The following TEAD2 variants were observed in gnomAD, a reference collection of about 807,000 sequenced individuals.
TEAD2 encodes transcriptional enhancer factor TEF-4.
Under a neutral mutation model 61.4 loss-of-function variants are expected in TEAD2, and 51 were observed. The ratio of observed to expected loss-of-function variants is 0.83; its 90% CI spans 0.66 to 1.05. The LOEUF (loss-of-function observed/expected upper bound fraction) is 1.05. TEAD2 is among the 50% of genes least tolerant of loss of function. The pLI, the probability that TEAD2 is intolerant of heterozygous loss-of-function variation, is 0.00. For synonymous variants in TEAD2, 244 were observed against 243.2 expected, an observed-to-expected ratio of 1.00 and a Z score of -0.03; for missense variants, 509 against 600.0, an observed-to-expected ratio of 0.85 and a Z score of 1.58.
Position 49,348,773 on chromosome 19 carries a change from C to T in TEAD2, c.677G>A (p.Gly226Asp). 6.2e-7 allele frequency: 1 copy of T among 1,613,402 alleles called. No individual in the cohort carries two copies. The change falls in exon 9 of 13, where the codon GGC becomes GAC. Residue 226 changes from glycine to aspartate, a missense_variant. Physicochemically the swap from Gly to Asp is moderately conservative, Grantham distance 94. Transcript: ENST00000593945. ...TPSPPAWQAR[G>D]LGTARLQLVE... ...CAGCTGCAACCGGGCGGTGCCCAGG[C>T]CCCGAGCCTGCCAGGCTGGGGGCGA...
intron 4 of TEAD2, among the ~76,000 whole-genome samples, chr19:49,356,461 G>T (rs901129659): frequency 1.3e-5 from 2 of 151,456 alleles, no homozygotes; most frequent in Non-Finnish European, 2.9e-5. Flanking sequence ...ACACCCAGAA[G>T]GGGGAGAAAA....
At chr19:49,347,401 A>G in intron 9 of TEAD2, 38 bp from the exon 10 acceptor site, 1 of 1,593,208 alleles carries the variant, frequency 6.3e-7, no homozygotes, top group Non-Finnish European at 8.5e-7. Flanking sequence ...GTCGGAGGTG[A>G]GCTGGATCTC....
chr19:49,341,589 G>C lies in TEAD2; in HGVS notation c.1243-152C>G. The C allele has an allele frequency of 1.5e-6, 1 of 672,066 alleles. No homozygotes were observed. Among genetic ancestry groups the C allele is most frequent in the South Asian group, 1.8e-5 (1 of 55,768 alleles). The allele number at this position is 672,066 out of a possible 1,614,324, so 41.6% of individuals were successfully genotyped here. ...CATATCATGTTCCCCAGGAGAAAGG[G>C]ATGCCCAAAAGTCAGTTCCCTGGGC... On this transcript the variant is annotated intron_variant, in intron 12 of 12. Coordinates refer to ENST00000593945, the MANE Select transcript of TEAD2 (RefSeq NM_001256660.2). This position sits in a 1 kb window ranked among gnomAD's most constrained non-coding sequence, Gnocchi z 4.2.
chr19:49,355,598 G>A lies in TEAD2; in HGVS notation c.373-179C>T, dbSNP rs28456376. 5.3e-3 allele frequency among the ~76,000 whole-genome samples: 814 copies of A among 152,222 alleles called. 11 individuals are homozygous for A. Among genetic ancestry groups the A allele is most frequent in the African/African-American group, 0.018 (753 of 41,540 alleles). On this transcript the variant is annotated intron_variant, in intron 5 of 12. Transcript: ENST00000593945. ...TCCCAGCACTCTGGGAGCCGGAGGC[G>A]GGCAGATCACTTGAGGTCAGGAGTT...
intron 3 of TEAD2, 127 bp from the exon 4 acceptor site, chr19:49,357,441 G>T: frequency 1.0e-6 from 1 of 1,002,702 alleles, no homozygotes; most frequent in Non-Finnish European, 1.5e-6. Flanking sequence ...CACTGAAGAT[G>T]AGAGCCATCT....
At chr19:49,358,100 G>A (rs1430080078) in intron 3 of TEAD2, among the ~76,000 whole-genome samples, 3 of 152,194 alleles carry the variant, frequency 2.0e-5, no homozygotes, top group Admixed American at 1.3e-4. Context: ...CAGGTGTGGT[G>A]GTGCGCGCCT....
At chr19:49,357,209 C>T (rs1457802053) in intron 4 of TEAD2, 43 bp downstream of exon 4, 2 of 1,576,784 alleles carry the variant, frequency 1.3e-6, no homozygotes, top group Admixed American at 3.4e-5. Context: ...TCCCCCACCC[C>T]CAGTCTCTGT....
intron 7 of TEAD2, 136 bp from the exon 8 acceptor site, chr19:49,351,501 A>G (rs527963343): frequency 1.3e-6 from 1 of 765,996 alleles, no homozygotes; most frequent in South Asian, 1.9e-5. Flanking sequence ...ACAGTGCGTG[A>G]GGTAGGTAGA....
rs1972713895 is a variant in TEAD2 at position 49,359,988 on chromosome 19, T to G, written c.88A>C (p.Ser30Arg). Residue 30 changes from serine (S) to arginine (R), a missense_variant, in exon 2 of 13, where the codon AGT becomes CGT. Transcript: ENST00000593945. This position sits in a 1 kb window ranked among gnomAD's most constrained non-coding sequence, Gnocchi z 4.1. ...CCCCCGTCACCCCCAGCCCCCTCACTGCCGCCGGTACCCTCCTCACTGCCT... is the reference window on the plus strand; with the variant it reads ...CCCCCGTCACCCCCAGCCCCCTCACGGCCGCCGGTACCCTCCTCACTGCCT... ...EEGSEEGTGG[S>R]EGAGGDGGPD... 1.9e-6 allele frequency: 3 copies of G among 1,605,874 alleles called. No homozygotes were observed. The highest frequency in any genetic ancestry group is 2.5e-6 in the Non-Finnish European group (3 of 1,176,822).
intron 1 of TEAD2, among the ~76,000 whole-genome samples, chr19:49,361,209 C>CAGAGACCCAGAGAGAGAGAGGAAT (rs1568585786): frequency 1.6e-5 from 2 of 125,462 alleles, no homozygotes; most frequent in Non-Finnish European, 3.2e-5. Context: ...GAGAGGGAGA[C>CAGAGACCCAGAGAGAGAGAGGAAT]AGAGACCCAG....
chr19:49,355,177 T>C lies in TEAD2; in HGVS notation c.510A>G (p.Gly170=). ...GAACATTCCAGGGGGGCCCAGATCC[T>C]CCAGACCAAAACTGGAAAAGCTCAG... ...QASELFQFWS[G]GSGPPWNVPD... The change falls in exon 7 of 13, where the codon GGA becomes GGG. Residue 170 remains glycine (G), a synonymous_variant. Transcript: ENST00000593945. The C allele has an allele frequency of 1.2e-6, 2 of 1,611,924 alleles. No homozygotes were observed. Among genetic ancestry groups the C allele is most frequent in the African/African-American group, 1.3e-5 (1 of 74,900 alleles).
chr19:49,346,720 A>G (rs542083692), intron 10 of TEAD2, among the ~76,000 whole-genome samples: 2 of 152,322 alleles, frequency 1.3e-5, no homozygotes, highest in East Asian at 3.9e-4. Flanking sequence ...GGCTCTTTTC[A>G]TCACTTCCTC....
At chr19:49,353,392 C>T (rs558226594) in intron 7 of TEAD2, among the ~76,000 whole-genome samples, 2 of 151,822 alleles carry the variant, frequency 1.3e-5, no homozygotes, top group African/African-American at 2.4e-5. Flanking sequence ...GGCCACCATG[C>T]CGGGCCTCCC....
At chr19:49,349,560 C>G (rs1028521838) in intron 8 of TEAD2, among the ~76,000 whole-genome samples, 1 of 151,474 alleles carries the variant, frequency 6.6e-6, no homozygotes, top group African/African-American at 2.4e-5. Flanking sequence ...TGTCTTGGTG[C>G]CTTCCCCATA....
At chr19:49,360,756 G>C (rs185367642) in intron 1 of TEAD2, among the ~76,000 whole-genome samples, 6 of 90,486 alleles carry the variant, frequency 6.6e-5, no homozygotes, top group Non-Finnish European at 7.7e-5. Context: ...CAGAGAGGGA[G>C]GGGGACAGAG....
chr19:49,351,846 T>A (rs1238274270), intron 7 of TEAD2, among the ~76,000 whole-genome samples: 2 of 150,034 alleles, frequency 1.3e-5, no homozygotes, highest in Non-Finnish European at 3.0e-5. Flanking sequence ...ATTAGCAGAG[T>A]GTGGTGGTGC....
At chr19:49,356,483 G>A (rs771297579) in intron 4 of TEAD2, among the ~76,000 whole-genome samples, 10 of 151,658 alleles carry the variant, frequency 6.6e-5, no homozygotes, top group Middle Eastern at 3.2e-3. Context: ...GAGGGTCTCC[G>A]GCCAACAGGA....
chr19:49,357,131 A>G (rs1427958880), intron 4 of TEAD2, 121 bp downstream of exon 4: 2 of 714,190 alleles, frequency 2.8e-6, no homozygotes, highest in Admixed American at 3.0e-5. Context: ...TCTGGGTCTC[A>G]GTCCTCCCCG....
intron 10 of TEAD2, among the ~76,000 whole-genome samples, chr19:49,346,642 G>C (rs914267211): frequency 6.6e-6 from 1 of 152,200 alleles, no homozygotes; most frequent in African/African-American, 2.4e-5. Flanking sequence ...GGGTGACAGT[G>C]AGACTATGTC....
Sources: gnomAD v4.1 joint callset for allele counts (sites outside exome capture counted in the v4.1 genomes callset) on GRCh38, gnomAD v4.1.1 for gene constraint, Gnocchi (gnomAD v3.1) non-coding constraint, MANE v1.5 for transcripts, NCBI Gene and HGNC (gene_info 2026-07-23, HGNC 2026-07-21) for gene names.